HEPH: variants seen among roughly 807,000 people sequenced by gnomAD.
HEPH encodes the protein hephaestin.
In HEPH, 69 loss-of-function variants were observed where a neutral mutation model predicts 80.8. The ratio of observed to expected loss-of-function variants is 0.85; its 90% CI spans 0.70 to 1.04. HEPH has a LOEUF of 1.04. Among genes scored for constraint, HEPH ranks in the 50% least tolerant of loss-of-function variants. HEPH has a pLI of 0.00. For missense variants in HEPH, 1,115 were observed against 891.3 expected, an observed-to-expected ratio of 1.25 and a Z score of -3.20; for synonymous variants, 431 against 322.8, an observed-to-expected ratio of 1.34 and a Z score of -3.60.
intron 7 of HEPH, among the ~76,000 whole-genome samples, chrX:66,193,013 T>C (rs781293207): frequency 1.8e-5 from 2 of 110,774 alleles, no homozygotes; most frequent in African/African-American, 3.3e-5. Context: ...ATAGAGTAAA[T>C]CTGGAGAAAA....
chrX:66,231,912 A>G (rs707297), intron 15 of HEPH, among the ~76,000 whole-genome samples: 39,651 of 108,352 alleles, frequency 0.37, 9,305 homozygotes, highest in African/African-American at 0.85. Flanking sequence ...TTGGCTGTGG[A>G]TTTGTCATAG....
intron 4 of HEPH, among the ~76,000 whole-genome samples, chrX:66,187,988 A>T (rs1474132635): frequency 8.9e-6 from 1 of 111,761 alleles, no homozygotes; most frequent in Non-Finnish European, 1.9e-5. Flanking sequence ...GATATGGATA[A>T]GATTGAAAGT....
chrX:66,229,766 C>A (rs1011601839), intron 15 of HEPH, among the ~76,000 whole-genome samples: 3 of 110,882 alleles, frequency 2.7e-5, no homozygotes, highest in Non-Finnish European at 5.7e-5. Flanking sequence ...AGAAAATTTA[C>A]TCTTTTTTTT....
At chrX:66,191,254 A>G (rs1245353736) in intron 6 of HEPH, among the ~76,000 whole-genome samples, 1 of 112,224 alleles carries the variant, frequency 8.9e-6, no homozygotes, top group Non-Finnish European at 1.9e-5. Flanking sequence ...AAAAGGGGAC[A>G]TTAAAAGTCT....
Position 66,256,176 on chromosome X carries a change from G to A in HEPH, c.2742G>A (p.Arg914=), listed in dbSNP as rs765197221. The change falls in exon 17 of 21, where the codon CGG becomes CGA. Residue 914 remains arginine, a synonymous_variant. Transcript: ENST00000343002. The stretch of plus-strand genomic sequence containing the variant: ...GCATCCTGGAGCCCCATGGAGGACG[G>A]AGTGACATGGATCGGGAATTTGCAT... ...QKGILEPHGG[R]SDMDREFALL... 8.3e-7 allele frequency: 1 copy of A among 1,211,576 alleles called. No individual in the cohort carries two copies. The highest frequency in any genetic ancestry group is 1.1e-6 in the Non-Finnish European group (1 of 895,223).
Position 66,176,589 on chromosome X carries a change from G to A in HEPH, c.625+2788G>A, listed in dbSNP as rs188865608. Reference sequence around the variant, plus strand: ...ATGTATACATGTGCCATGTTGGTGCGCTGCACCCATTACCTCATCATTTAG... The same window carrying A: ...ATGTATACATGTGCCATGTTGGTGCACTGCACCCATTACCTCATCATTTAG... On this transcript the variant is annotated intron_variant, in intron 4 of 20. Transcript: ENST00000343002. Among the ~76,000 whole-genome samples, 92 of 111,047 alleles carry A rather than the reference G, an allele frequency of 8.3e-4. 1 individual carries two copies. The highest frequency in any genetic ancestry group is 2.6e-3 in the African/African-American group (78 of 30,566).
chrX:66,241,132 C>A (rs765051111), intron 15 of HEPH, among the ~76,000 whole-genome samples: 3 of 112,167 alleles, frequency 2.7e-5, no homozygotes, highest in Admixed American at 9.5e-5. Context: ...AAATAAAAAA[C>A]CACTACCATC....
intron 4 of HEPH, among the ~76,000 whole-genome samples, chrX:66,177,197 G>A (rs1335252107): frequency 8.9e-6 from 1 of 112,180 alleles, no homozygotes; most frequent in African/African-American, 3.2e-5. Flanking sequence ...TTCTGGTTAT[G>A]TTCTTTCCTG....
intron 13 of HEPH, among the ~76,000 whole-genome samples, chrX:66,204,001 A>T (rs773476558): frequency 8.9e-6 from 1 of 112,391 alleles, no homozygotes; most frequent in East Asian, 2.8e-4. Context: ...TTTATTTCTT[A>T]TTCACATAAT....
intron 15 of HEPH, among the ~76,000 whole-genome samples, chrX:66,237,362 G>T (rs2090404141): frequency 9.0e-6 from 1 of 111,621 alleles, no homozygotes; most frequent in Admixed American, 9.6e-5. Context: ...AGAAGGCCTT[G>T]ATTTATGCCT....
chrX:66,242,700 C>A (rs751437041), intron 15 of HEPH, among the ~76,000 whole-genome samples: 1 of 111,697 alleles, frequency 9.0e-6, no homozygotes, highest in African/African-American at 3.2e-5. Context: ...ACAAAAGACA[C>A]GAACAGATAC....
intron 4 of HEPH, among the ~76,000 whole-genome samples, chrX:66,187,204 C>T (rs1443289598): frequency 9.0e-6 from 1 of 111,287 alleles, no homozygotes; most frequent in Non-Finnish European, 1.9e-5. Flanking sequence ...TCTCTGGTGC[C>T]TCCCTGATTA....
chrX:66,263,429 C>G (rs894211802), intron 19 of HEPH, among the ~76,000 whole-genome samples: 1 of 111,695 alleles, frequency 9.0e-6, no homozygotes, highest in Non-Finnish European at 1.9e-5. Flanking sequence ...TTTTGGACTC[C>G]AAGCCTGTTC....
chrX:66,210,806 A>C (rs1164218471), intron 15 of HEPH, among the ~76,000 whole-genome samples: 2 of 111,545 alleles, frequency 1.8e-5, no homozygotes, highest in Non-Finnish European at 3.8e-5. Context: ...AGATGGTGGA[A>C]TCAAGGTTCA....
intron 9 of HEPH, among the ~76,000 whole-genome samples, chrX:66,195,830 T>C (rs180995344): frequency 8.9e-6 from 1 of 112,083 alleles, no homozygotes; most frequent in Admixed American, 9.5e-5. Flanking sequence ...CATTTTGGAT[T>C]ACTGTATCAG....
chrX:66,190,875 G>T (rs978567266), intron 6 of HEPH, among the ~76,000 whole-genome samples: 1 of 111,311 alleles, frequency 9.0e-6, no homozygotes, highest in African/African-American at 3.3e-5. Context: ...AATATGGATT[G>T]GGATTAGAGA....
intron 15 of HEPH, among the ~76,000 whole-genome samples, chrX:66,231,503 T>A (rs1182805868): frequency 3.7e-5 from 4 of 109,538 alleles, no homozygotes; most frequent in South Asian, 4.0e-4. Flanking sequence ...ATCCCTTGTA[T>A]GTTGGATTCC....
chrX:66,242,220 G>T (rs1029650495), intron 15 of HEPH, among the ~76,000 whole-genome samples: 8 of 111,115 alleles, frequency 7.2e-5, no homozygotes, highest in Admixed American at 5.8e-4. Context: ...AGCTGCACAT[G>T]TAGAACCATC....
intron 13 of HEPH, among the ~76,000 whole-genome samples, chrX:66,205,230 G>A (rs1040215711): frequency 8.9e-6 from 1 of 111,796 alleles, no homozygotes; most frequent in Non-Finnish European, 1.9e-5. Context: ...CACATAGGTA[G>A]TAAGCATAGT....
Sources: gnomAD v4.1 joint callset for allele counts (sites outside exome capture counted in the v4.1 genomes callset) on GRCh38, gnomAD v4.1.1 for gene constraint, MANE v1.5 for transcripts, NCBI Gene and HGNC (gene_info 2026-07-23, HGNC 2026-07-21) for gene names.